PPP3CA: variants seen among roughly 807,000 people sequenced by gnomAD.
PPP3CA encodes the protein protein phosphatase 3 catalytic subunit alpha, also known as CAM-PRP catalytic subunit.
PPP3CA carries 14 observed loss-of-function variants against 66.5 expected under a neutral mutation model. The ratio of observed to expected loss-of-function variants is 0.21; its 90% CI spans 0.14 to 0.33. The LOEUF (loss-of-function observed/expected upper bound fraction) is 0.33. PPP3CA is among the 10% of genes least tolerant of loss of function. PPP3CA has a pLI of 1.00. For missense variants in PPP3CA, 317 were observed against 639.5 expected (o/e 0.50, Z 5.44); for synonymous variants, 232 against 226.2 (o/e 1.03, Z -0.23).
At chr4:101,180,114 G>A (rs1347707575) in intron 2 of PPP3CA, among the ~76,000 whole-genome samples, 2 of 152,166 alleles carry the variant, frequency 1.3e-5, no homozygotes, top group Non-Finnish European at 2.9e-5. Context: ...TAGCAGAGAT[G>A]AGCAGAGGTG....
At chr4:101,192,525 A>T (rs997193985) in intron 2 of PPP3CA, among the ~76,000 whole-genome samples, 8 of 151,652 alleles carry the variant, frequency 5.3e-5, no homozygotes, top group African/African-American at 1.9e-4. Flanking sequence ...TCTCCACCCC[A>T]CCTCTCATAC....
intron 1 of PPP3CA, among the ~76,000 whole-genome samples, chr4:101,332,968 T>G (rs1729437474): frequency 6.6e-6 from 1 of 152,220 alleles, no homozygotes; most frequent in African/African-American, 2.4e-5. Flanking sequence ...ATATCTTTTC[T>G]TTTTGAAAGA....
intron 2 of PPP3CA, among the ~76,000 whole-genome samples, chr4:101,165,664 G>T (rs1310681345): frequency 6.6e-6 from 1 of 152,108 alleles, no homozygotes; most frequent in Non-Finnish European, 1.5e-5. Context: ...TCAATAAAAT[G>T]TACTAACCTT....
At chr4:101,133,436 G>A (rs1390793978) in intron 2 of PPP3CA, among the ~76,000 whole-genome samples, 1 of 126,966 alleles carries the variant, frequency 7.9e-6, no homozygotes, top group Non-Finnish European at 1.6e-5. Context: ...AAAATCACAT[G>A]TTTTCCTATA....
intron 1 of PPP3CA, among the ~76,000 whole-genome samples, chr4:101,197,410 T>A (rs927725865): frequency 6.6e-6 from 1 of 152,242 alleles, no homozygotes; most frequent in African/African-American, 2.4e-5. Flanking sequence ...TATTTCACTA[T>A]GCTGTCATAT....
intron 1 of PPP3CA, among the ~76,000 whole-genome samples, chr4:101,274,569 T>G (rs1578618378): frequency 1.3e-5 from 2 of 152,254 alleles, no homozygotes; most frequent in African/African-American, 2.4e-5. Context: ...CAAAATTTCT[T>G]ATTCAACATG....
At chr4:101,166,635 A>G (rs978599162) in intron 2 of PPP3CA, among the ~76,000 whole-genome samples, 1 of 152,186 alleles carries the variant, frequency 6.6e-6, no homozygotes, top group African/African-American at 2.4e-5. Context: ...ATTTCTGGAG[A>G]GAACATATTA....
chr4:101,261,857 C>A (rs932552680), intron 1 of PPP3CA, among the ~76,000 whole-genome samples: 1 of 151,578 alleles, frequency 6.6e-6, no homozygotes, highest in Admixed American at 6.6e-5. Context: ...CCCCTCTCCC[C>A]CCACCCAAAA....
chr4:101,193,360 G>GA (rs1269447144), intron 2 of PPP3CA, among the ~76,000 whole-genome samples: 4 of 151,364 alleles, frequency 2.6e-5, no homozygotes, highest in African/African-American at 4.8e-5. Flanking sequence ...CATTTTTTGG[G>GA]AAAAAAATGT....
At chr4:101,113,365 T>C (rs1361629705) in intron 2 of PPP3CA, among the ~76,000 whole-genome samples, 1 of 152,112 alleles carries the variant, frequency 6.6e-6, no homozygotes, top group African/African-American at 2.4e-5. Flanking sequence ...CACACAGCCT[T>C]CATTCTGTGT....
In PPP3CA at chr4:101,240,052, G is replaced by GC. The variant is rs1462165926; in HGVS notation, c.59-43937_59-43936insG. 2.7e-5 allele frequency among the ~76,000 whole-genome samples: 4 copies of GC among 150,682 alleles called. No individual in the cohort carries two copies. In the East Asian group the frequency reaches 7.8e-4, roughly 29 times the overall value. On this transcript the variant is annotated intron_variant, in intron 1 of 13. Transcript: ENST00000394854. ...TTGGTTTTTTTTTGGGGGGAGCGGGGGGGAGGTGAGGTAGATAGTTACTGG... is the reference window on the plus strand; with the variant it reads ...TTGGTTTTTTTTTGGGGGGAGCGGGGCGGGAGGTGAGGTAGATAGTTACTGG...
intron 2 of PPP3CA, among the ~76,000 whole-genome samples, chr4:101,114,407 T>C (rs151129808): frequency 0.011 from 1,624 of 152,256 alleles, 10 homozygotes; most frequent in Non-Finnish European, 0.017. Context: ...AGAAATAACC[T>C]GTCATTTGTT....
intron 1 of PPP3CA, among the ~76,000 whole-genome samples, chr4:101,252,803 A>T (rs1196261308): frequency 1.3e-5 from 2 of 152,132 alleles, no homozygotes; most frequent in Admixed American, 1.3e-4. Context: ...CCTTTGAAGT[A>T]CTTCTTAACT....
intron 3 of PPP3CA, among the ~76,000 whole-genome samples, chr4:101,101,306 T>C (rs953013024): frequency 6.6e-6 from 1 of 152,164 alleles, no homozygotes; most frequent in Admixed American, 6.6e-5. Context: ...TCGGGTTTTA[T>C]AGCTGTACTT....
chr4:101,331,537 A>G (rs1729387191), intron 1 of PPP3CA, among the ~76,000 whole-genome samples: 1 of 152,170 alleles, frequency 6.6e-6, no homozygotes, highest in Non-Finnish European at 1.5e-5. Flanking sequence ...TTTGTGATCC[A>G]TCGTGCGTAC....
intron 2 of PPP3CA, among the ~76,000 whole-genome samples, chr4:101,155,724 G>A (rs937546283): frequency 6.6e-6 from 1 of 152,176 alleles, no homozygotes; most frequent in Non-Finnish European, 1.5e-5. Context: ...CTACTTCAGT[G>A]CACTAACTAC....
chr4:101,297,095 T>C (rs977896805), intron 1 of PPP3CA, among the ~76,000 whole-genome samples: 2 of 152,166 alleles, frequency 1.3e-5, no homozygotes, highest in Non-Finnish European at 2.9e-5. Flanking sequence ...AAATAATACA[T>C]AATGATAAAA....
intron 10 of PPP3CA, among the ~76,000 whole-genome samples, chr4:101,047,131 C>T (rs1188440493): frequency 6.6e-6 from 1 of 152,160 alleles, no homozygotes; most frequent in South Asian, 2.1e-4. Flanking sequence ...TATATCCCAG[C>T]AAAGGGATGT....
At chr4:101,277,438 C>A (rs529331011) in intron 1 of PPP3CA, among the ~76,000 whole-genome samples, 1 of 152,170 alleles carries the variant, frequency 6.6e-6, no homozygotes, top group East Asian at 1.9e-4. Flanking sequence ...AATTTAGTAA[C>A]AAAGTTAACA....
Sources: gnomAD v4.1 joint callset for allele counts (sites outside exome capture counted in the v4.1 genomes callset) on GRCh38, gnomAD v4.1.1 for gene constraint, MANE v1.5 for transcripts, NCBI Gene and HGNC (gene_info 2026-07-23, HGNC 2026-07-21) for gene names.